The following CNTNAP2 variants were observed in gnomAD, a reference collection of about 807,000 sequenced individuals.
The protein encoded by CNTNAP2 is contactin associated protein 2.
A neutral mutation model predicts 155.2 loss-of-function variants in CNTNAP2; 98 were observed. That is an observed-to-expected ratio of 0.63 (90% confidence interval 0.54 to 0.75). The LOEUF is 0.75. CNTNAP2 is among the 30% of genes least tolerant of loss of function. The probability of loss-of-function intolerance (pLI) is 0.00; values close to 1 mark genes in which losing one functional copy is unlikely to be tolerated. For missense variants in CNTNAP2, 1,727 were observed against 1,688.1 expected (o/e 1.02, Z -0.40); for synonymous variants, 651 against 631.2 (o/e 1.03, Z -0.47).
chr7:146,773,799 C>T (rs948065808), intron 1 of CNTNAP2, among the ~76,000 whole-genome samples: 5 of 152,206 alleles, frequency 3.3e-5, no homozygotes, highest in Non-Finnish European at 5.9e-5. Flanking sequence ...AGAACTTAGT[C>T]ATCTCACATA....
At chr7:148,385,813 T>C (rs765991588) in intron 22 of CNTNAP2, among the ~76,000 whole-genome samples, 11 of 148,002 alleles carry the variant, frequency 7.4e-5, no homozygotes, top group East Asian at 4.1e-4. Flanking sequence ...AATGGCACCA[T>C]TGCAACCTCT....
intron 21 of CNTNAP2, among the ~76,000 whole-genome samples, chr7:148,309,078 T>C (rs1174399887): frequency 1.3e-5 from 2 of 152,150 alleles, no homozygotes; most frequent in Non-Finnish European, 2.9e-5. Flanking sequence ...TTATAATCCT[T>C]TGGGTATATA....
chr7:147,793,156 GTA>G (rs1333616560), intron 13 of CNTNAP2, among the ~76,000 whole-genome samples: 1 of 151,970 alleles, frequency 6.6e-6, no homozygotes, highest in Non-Finnish European at 1.5e-5. Flanking sequence ...ATTATTAACA[GTA>G]TCTTTTGACG....
chr7:146,774,229 C>A, intron 1 of CNTNAP2, 42 bp from the exon 2 acceptor site: 7 of 1,413,500 alleles, frequency 5.0e-6, no homozygotes, highest in Non-Finnish European at 7.0e-6. Context: ...ATTTCGAAAT[C>A]GTTGTTGAGT....
intron 1 of CNTNAP2, among the ~76,000 whole-genome samples, chr7:146,587,167 T>C (rs1383721224): frequency 6.6e-6 from 1 of 152,186 alleles, no homozygotes; most frequent in African/African-American, 2.4e-5. Flanking sequence ...TCTGGGTGCA[T>C]GCCTGTGATG....
At chr7:146,163,553 A>G (rs1053171041) in intron 1 of CNTNAP2, among the ~76,000 whole-genome samples, 1 of 140,892 alleles carries the variant, frequency 7.1e-6, no homozygotes, top group Non-Finnish European at 1.5e-5. Context: ...CTATATATCT[A>G]TATCTATATC....
intron 1 of CNTNAP2, among the ~76,000 whole-genome samples, chr7:146,456,999 A>C (rs1249304574): frequency 6.6e-6 from 1 of 152,152 alleles, no homozygotes; most frequent in Non-Finnish European, 1.5e-5. Context: ...ATTAATATTT[A>C]AATGTATTTT....
At chr7:147,511,193 G>A (rs1006516921) in intron 11 of CNTNAP2, among the ~76,000 whole-genome samples, 4 of 151,716 alleles carry the variant, frequency 2.6e-5, no homozygotes, top group Non-Finnish European at 4.4e-5. Flanking sequence ...GCAGTTTTTC[G>A]CCCCTCTGGC....
intron 1 of CNTNAP2, among the ~76,000 whole-genome samples, chr7:146,537,712 A>T (rs975944337): frequency 5.9e-5 from 9 of 152,070 alleles, no homozygotes; most frequent in African/African-American, 2.2e-4. Context: ...TGGGACAGTG[A>T]GCATTTCAGG....
Position 146,885,290 on chromosome 7 carries a change from T to C in CNTNAP2, c.402+45386T>C, listed in dbSNP as rs73461449. 3.1e-3 allele frequency among the ~76,000 whole-genome samples: 474 copies of C among 152,314 alleles called. 1 individual carries two copies. The highest frequency in any genetic ancestry group is 0.011 in the African/African-American group (452 of 41,580). ...AGCTTACATCAAATAAATCTTTTATTTTTTGCATAAGAAAATTTTTAAAAA... is the reference window on the plus strand; with the variant it reads ...AGCTTACATCAAATAAATCTTTTATCTTTTGCATAAGAAAATTTTTAAAAA... On this transcript the variant is annotated intron_variant, in intron 3 of 23. Coordinates refer to ENST00000361727, the MANE Select transcript of CNTNAP2 (RefSeq NM_014141.6).
At chr7:148,177,306 G>C (rs981994993) in intron 18 of CNTNAP2, among the ~76,000 whole-genome samples, 1 of 152,130 alleles carries the variant, frequency 6.6e-6, no homozygotes, top group African/African-American at 2.4e-5. Flanking sequence ...GAAGAGGAGG[G>C]GGCACAGAGG....
intron 3 of CNTNAP2, among the ~76,000 whole-genome samples, chr7:146,932,258 C>T (rs1163853542): frequency 6.6e-6 from 1 of 152,264 alleles, no homozygotes; most frequent in East Asian, 1.9e-4. Context: ...GGGCTTCATC[C>T]CTGGGATGCA....
At chr7:146,818,706 G>A (rs1803220994) in intron 2 of CNTNAP2, among the ~76,000 whole-genome samples, 1 of 152,074 alleles carries the variant, frequency 6.6e-6, no homozygotes, top group Non-Finnish European at 1.5e-5. Context: ...ATTATGACAT[G>A]TGACCACTAA....
chr7:148,283,255 A>G (rs13309718), intron 21 of CNTNAP2, among the ~76,000 whole-genome samples: 20 of 63,628 alleles, frequency 3.1e-4, no homozygotes, highest in East Asian at 2.4e-3. Context: ...AAAAAAAAAA[A>G]AAAGAAAGAA....
chr7:146,964,962 AAAAACAAAAC>A (rs202107071), intron 3 of CNTNAP2, among the ~76,000 whole-genome samples: 1 of 152,156 alleles, frequency 6.6e-6, no homozygotes, highest in Non-Finnish European at 1.5e-5. Context: ...AATTTATAAA[AAAAACAAAAC>A]AAAACAAAAC....
chr7:147,999,738 C>G (rs1346572465), intron 15 of CNTNAP2, among the ~76,000 whole-genome samples: 1 of 152,138 alleles, frequency 6.6e-6, no homozygotes, highest in African/African-American at 2.4e-5. Context: ...AGCGCACACA[C>G]ACACACTCTC....
chr7:146,928,812 G>A (rs1056509481), intron 3 of CNTNAP2, among the ~76,000 whole-genome samples: 30 of 152,208 alleles, frequency 2.0e-4, no homozygotes, highest in Non-Finnish European at 4.0e-4. Context: ...AGGGTCCTAC[G>A]CCCACGGAGT....
intron 8 of CNTNAP2, among the ~76,000 whole-genome samples, chr7:147,185,932 G>GT: frequency 6.6e-6 from 1 of 152,168 alleles, no homozygotes. Context: ...CTGCTGCCAT[G>GT]TAAGACATGA....
intron 15 of CNTNAP2, among the ~76,000 whole-genome samples, chr7:148,043,746 T>C (rs1802719139): frequency 6.6e-6 from 1 of 152,242 alleles, no homozygotes; most frequent in Non-Finnish European, 1.5e-5. Context: ...TGTTTCTGCA[T>C]GCCATTGAAA....
Sources: allele counts gnomAD v4.1 joint callset (sites outside exome capture counted in the v4.1 genomes callset), GRCh38; gene constraint gnomAD v4.1.1; transcripts MANE v1.5; gene names NCBI Gene and HGNC (gene_info 2026-07-23, HGNC 2026-07-21).